PLA2G5: variants seen among roughly 807,000 people sequenced by gnomAD.
PLA2G5 encodes the protein phospholipase A2 group V.
A neutral mutation model predicts 15.9 loss-of-function variants in PLA2G5; 12 were observed. The observed-to-expected ratio is 0.76, with a 90% CI of 0.48 to 1.23. The LOEUF is 1.23. Among genes scored for constraint, PLA2G5 ranks in the 50% most tolerant of loss-of-function variants. The probability of loss-of-function intolerance (pLI) is 0.00; values close to 1 mark genes in which losing one functional copy is unlikely to be tolerated. For synonymous variants in PLA2G5, 71 were observed against 71.4 expected (o/e 0.99, Z 0.03); for missense variants, 169 against 177.1 (o/e 0.95, Z 0.26).
At chr1:20,070,524 G>A in intron 1 of PLA2G5, 59 bp downstream of exon 1, 1 of 952,928 alleles carries the variant, frequency 1.0e-6, no homozygotes, top group Non-Finnish European at 1.2e-6. Context: ...CAGCTGGGAG[G>A]GAGAGACTGG....
At chr1:20,078,735 G>T (rs1203356800) in intron 1 of PLA2G5, among the ~76,000 whole-genome samples, 1 of 152,142 alleles carries the variant, frequency 6.6e-6, no homozygotes, top group East Asian at 1.9e-4. Context: ...CCTTAAGGAG[G>T]GGCTTCTCTC....
chr1:20,050,351 G>A (rs879941389), intron 1 of PLA2G5, among the ~76,000 whole-genome samples: 1 of 152,132 alleles, frequency 6.6e-6, no homozygotes, highest in Non-Finnish European at 1.5e-5. Context: ...AGAAATTAAA[G>A]CTAATCAACT....
intron 1 of PLA2G5, among the ~76,000 whole-genome samples, chr1:20,072,220 C>T (rs1396079211): frequency 1.3e-5 from 2 of 152,120 alleles, no homozygotes; most frequent in Admixed American, 6.5e-5. Context: ...TCCATTTCAT[C>T]GATCACCACC....
Position 20,086,205 on chromosome 1 carries a change from A to AC in PLA2G5, c.168dup (p.Lys57GlnfsTer12). On this transcript the variant is annotated frameshift_variant, in exon 3 of 5. Transcript: ENST00000375108. LOFTEE classifies it high-confidence loss of function. ...TTACTGCGGCTGGGGCGGCCGAGGA[A>AC]CCCCCAAGGATGGCACCGATTGGTG... is the stretch of plus-strand genomic sequence containing the variant. The AC allele has an allele frequency of 6.2e-7, 1 of 1,613,792 alleles. No individual in the cohort carries two copies. Among genetic ancestry groups the AC allele is most frequent in the Non-Finnish European group, 8.5e-7 (1 of 1,179,958 alleles).
chr1:20,073,743 C>T (rs1217535429), intron 1 of PLA2G5, among the ~76,000 whole-genome samples: 2 of 151,956 alleles, frequency 1.3e-5, no homozygotes, highest in Admixed American at 1.3e-4. Context: ...ATTAGCCCAG[C>T]GTGGTAATCC....
upstream of PLA2G5, among the ~76,000 whole-genome samples, chr1:20,065,370 T>C (rs1402619328): frequency 6.6e-6 from 1 of 152,182 alleles, no homozygotes. Context: ...ACCATCACCA[T>C]ATCCTACAGA....
intron 1 of PLA2G5, among the ~76,000 whole-genome samples, chr1:20,033,136 G>A (rs752094250): frequency 6.6e-5 from 10 of 152,208 alleles, no homozygotes; most frequent in Non-Finnish European, 1.3e-4. Context: ...CTTGTTGACA[G>A]GTAGTTCTGC....
At chr1:20,054,055 TGAA>T (rs1318269606) in intron 1 of PLA2G5, among the ~76,000 whole-genome samples, 1 of 151,774 alleles carries the variant, frequency 6.6e-6, no homozygotes, top group Non-Finnish European at 1.5e-5. Flanking sequence ...TGTTCCTATG[TGAA>T]GATCATAACC....
intron 1 of PLA2G5, among the ~76,000 whole-genome samples, chr1:20,030,122 G>A (rs981460504): frequency 9.9e-5 from 15 of 152,152 alleles, no homozygotes; most frequent in African/African-American, 3.4e-4. Flanking sequence ...AAAGTATAGA[G>A]AGAGAAGAGT....
upstream of PLA2G5, among the ~76,000 whole-genome samples, chr1:20,065,697 T>C (rs2014988614): frequency 6.6e-6 from 1 of 152,254 alleles, no homozygotes; most frequent in South Asian, 2.1e-4. Context: ...CTCTTTTGGT[T>C]GCATCCATTT....
At chr1:20,029,281 G>A (rs1330982031) in intron 1 of PLA2G5, among the ~76,000 whole-genome samples, 3 of 152,082 alleles carry the variant, frequency 2.0e-5, no homozygotes, top group African/African-American at 7.2e-5. Flanking sequence ...TTGGTGGCCT[G>A]CCAGCATGCT....
intron 1 of PLA2G5, among the ~76,000 whole-genome samples, chr1:20,039,556 A>C (rs1203394447): frequency 3.3e-5 from 5 of 152,324 alleles, no homozygotes; most frequent in Admixed American, 1.3e-4. Context: ...AAAATACTGG[A>C]TTTAACACCA....
chr1:20,041,500 G>C (rs1422492665), intron 1 of PLA2G5, among the ~76,000 whole-genome samples: 1 of 152,124 alleles, frequency 6.6e-6, no homozygotes, highest in Non-Finnish European at 1.5e-5. Flanking sequence ...GCCAATCCTG[G>C]GCAGGGGCAA....
At chr1:20,079,758 A>G (rs1023501772) in intron 1 of PLA2G5, among the ~76,000 whole-genome samples, 10 of 152,196 alleles carry the variant, frequency 6.6e-5, no homozygotes, top group African/African-American at 2.4e-4. Flanking sequence ...AGAGAAATAT[A>G]GTGACTTGCC....
intron 3 of PLA2G5, among the ~76,000 whole-genome samples, chr1:20,087,078 A>G (rs1368630935): frequency 6.6e-6 from 1 of 152,246 alleles, no homozygotes. Flanking sequence ...AGACATCAGT[A>G]TGGACTCCTG....
At position 20,084,811 on chromosome 1, in the gene PLA2G5, T is replaced by C. The variant is rs1184688688; in HGVS notation, c.-10-10T>C. ...GATAGATCTGTTGTGGGATGTGTTT[T>C]TTTTTCCAGAACCCCAGAGATGAAA... On this transcript the variant is annotated splice_polypyrimidine_tract_variant and intron_variant, in intron 1 of 4. Coordinates refer to ENST00000375108, the MANE Select transcript of PLA2G5 (RefSeq NM_000929.3). 2 of 1,601,312 alleles carry C rather than the reference T, an allele frequency of 1.2e-6. No homozygotes were observed. Among genetic ancestry groups the C allele is most frequent in the East Asian group, 4.5e-5 (2 of 44,830 alleles).
upstream of PLA2G5, chr1:20,068,967 G>C: frequency 3.1e-6 from 4 of 1,286,594 alleles, no homozygotes; most frequent in African/African-American, 1.5e-5. Flanking sequence ...TTAGGACAAA[G>C]AGGCCCAGAA....
intron 1 of PLA2G5, among the ~76,000 whole-genome samples, chr1:20,075,412 A>G (rs761404399): frequency 6.6e-6 from 1 of 152,252 alleles, no homozygotes; most frequent in Non-Finnish European, 1.5e-5. Context: ...AAAAATAACC[A>G]GTATTTATTG....
Position 20,031,284 on chromosome 1 carries a change from A to G in PLA2G5, n.276+2575A>G, listed in dbSNP as rs188979432. On this transcript the variant is annotated intron_variant and non_coding_transcript_variant, in intron 1 of 6. Transcript: ENST00000460175. ...CAGCTGGATTTGTGTGGACAAACAA[A>G]TCTAACAGTTGGAAAAAAGAGGGGA... 2.0e-5 allele frequency among the ~76,000 whole-genome samples: 3 copies of G among 152,328 alleles called. No homozygotes were observed. The East Asian group carries it at 5.8e-4, about 29-fold the overall frequency.
Sources: gnomAD v4.1 joint callset for allele counts (sites outside exome capture counted in the v4.1 genomes callset) on GRCh38, gnomAD v4.1.1 for gene constraint, MANE v1.5 for transcripts, NCBI Gene and HGNC (gene_info 2026-07-23, HGNC 2026-07-21) for gene names.